Variants in SCRG1 observed in about 807,000 individuals in gnomAD.
SCRG1 encodes the protein scrapie-responsive protein 1.
SCRG1 carries 3 observed loss-of-function variants against 7.7 expected under a neutral mutation model. The observed-to-expected ratio is 0.39, with a 90% confidence interval of 0.18 to 1.01. The LOEUF (loss-of-function observed/expected upper bound fraction) is 1.01, where lower values mean the gene tolerates loss of function less well. Among genes scored for constraint, SCRG1 ranks in the 50% least tolerant of loss-of-function variants. The pLI, the probability that SCRG1 is intolerant of heterozygous loss-of-function variation, is 0.36. For synonymous variants in SCRG1, 46 were observed against 41.2 expected (o/e 1.12, Z -0.44); for missense variants, 110 against 117.2 (o/e 0.94, Z 0.28).
chr4:173,422,070 G>C, the SCRG1 span, among the ~76,000 whole-genome samples: 3 of 152,126 alleles, frequency 2.0e-5, no homozygotes, highest in African/African-American at 7.2e-5. Flanking sequence ...GGCTTTGGCT[G>C]AAACATATTT....
At chr4:173,415,283 A>T in the SCRG1 span, among the ~76,000 whole-genome samples, 1,051 of 152,326 alleles carry the variant, frequency 6.9e-3, 9 homozygotes, top group African/African-American at 0.023. Flanking sequence ...GCTGTGGCTA[A>T]TCTGTTGTGA....
At chr4:173,433,026 A>G in the SCRG1 span, among the ~76,000 whole-genome samples, 24 of 152,358 alleles carry the variant, frequency 1.6e-4, no homozygotes, top group African/African-American at 5.5e-4. Context: ...TGAAAAAAAT[A>G]GAATTGGATT....
Position 173,388,170 on chromosome 4 carries a change from A to G in SCRG1, c.*171T>C, listed in dbSNP as rs1440411053. ...ATGTCCACAGAGAAAAATTAGATTG[A>G]ATTAACTTTTATTACTACTTGTTTA... On this transcript the variant is annotated 3_prime_UTR_variant, in exon 3 of 3. Transcript: ENST00000296506. 1.3e-5 allele frequency: 6 copies of G among 479,238 alleles called. No individual in the cohort carries two copies. Among genetic ancestry groups the G allele is most frequent in the Non-Finnish European group, 2.2e-5 (6 of 274,854 alleles). 29.7% of individuals were successfully genotyped at this position (479,238 alleles called of 1,614,324 possible).
At chr4:173,443,316 A>G in the SCRG1 span, among the ~76,000 whole-genome samples, 8 of 152,338 alleles carry the variant, frequency 5.3e-5, no homozygotes, top group South Asian at 4.1e-4. Flanking sequence ...ATTTTTATCT[A>G]GAATGAGCCC....
the SCRG1 span, among the ~76,000 whole-genome samples, chr4:173,516,378 T>C: frequency 6.6e-6 from 1 of 152,238 alleles, no homozygotes; most frequent in Non-Finnish European, 1.5e-5. Flanking sequence ...AATATTTCAA[T>C]AGGCATCTGC....
the SCRG1 span, among the ~76,000 whole-genome samples, chr4:173,430,901 T>G: frequency 6.7e-6 from 1 of 150,362 alleles, no homozygotes; most frequent in Admixed American, 6.6e-5. Flanking sequence ...GCCACTATAA[T>G]TAGATCCTCA....
chr4:173,431,072 T>TGCAGTA, the SCRG1 span, among the ~76,000 whole-genome samples: 1 of 152,206 alleles, frequency 6.6e-6, no homozygotes, highest in Non-Finnish European at 1.5e-5. Context: ...CCCAGCATGA[T>TGCAGTA]GCAGTACCAC....
At chr4:173,485,068 ATT>A in the SCRG1 span, among the ~76,000 whole-genome samples, 23 of 9,892 alleles carry the variant, frequency 2.3e-3, 4 homozygotes, top group African/African-American at 4.3e-3. Context: ...TATATTATAT[ATT>A]ATATATTATA....
chr4:173,392,519 A>G (rs879090675), intron 1 of SCRG1, among the ~76,000 whole-genome samples: 1 of 152,210 alleles, frequency 6.6e-6, no homozygotes, highest in African/African-American at 2.4e-5. Context: ...CATACCAACA[A>G]TTCTAATTTC....
At chr4:173,458,500 C>A in the SCRG1 span, among the ~76,000 whole-genome samples, 2 of 152,148 alleles carry the variant, frequency 1.3e-5, no homozygotes, top group African/African-American at 2.4e-5. Context: ...ACTAGACTGG[C>A]CTTACAGGAA....
the SCRG1 span, among the ~76,000 whole-genome samples, chr4:173,441,604 A>C: frequency 6.6e-6 from 1 of 152,226 alleles, no homozygotes; most frequent in African/African-American, 2.4e-5. Flanking sequence ...TTATTCAGTC[A>C]AGTCATTCAT....
At chr4:173,488,138 A>AAT in the SCRG1 span, among the ~76,000 whole-genome samples, 12,888 of 131,682 alleles carry the variant, frequency 0.098, 618 homozygotes, top group Non-Finnish European at 0.11. Context: ...AATAAATTTA[A>AAT]AAAATGGTCT....
chr4:173,401,798 GTTTA>G (rs1456623228), upstream of SCRG1, among the ~76,000 whole-genome samples: 9 of 152,162 alleles, frequency 5.9e-5, no homozygotes, highest in Non-Finnish European at 1.2e-4. Flanking sequence ...TCAAACATGT[GTTTA>G]TTACTAGCTG....
At chr4:173,432,626 A>G in the SCRG1 span, among the ~76,000 whole-genome samples, 8 of 151,938 alleles carry the variant, frequency 5.3e-5, no homozygotes, top group Non-Finnish European at 1.0e-4. Context: ...CGTGTGCCAC[A>G]CTCTAGGTTT....
chr4:173,400,375 A>T (rs558779269), upstream of SCRG1, among the ~76,000 whole-genome samples: 4 of 152,348 alleles, frequency 2.6e-5, no homozygotes, highest in East Asian at 7.7e-4. Context: ...TAGGAAAAAG[A>T]ATACAAAAGT....
At chr4:173,508,599 A>C in the SCRG1 span, among the ~76,000 whole-genome samples, 32 of 152,228 alleles carry the variant, frequency 2.1e-4, no homozygotes, top group African/African-American at 7.2e-4. The surrounding 1 kb of genome is among the most constrained non-coding windows in gnomAD (Gnocchi z 4.4). Context: ...GTGGGTGCCC[A>C]AGAGACTTCT....
the SCRG1 span, among the ~76,000 whole-genome samples, chr4:173,460,250 C>G: frequency 6.6e-6 from 1 of 152,194 alleles, no homozygotes; most frequent in African/African-American, 2.4e-5. Context: ...TGCCCCACCC[C>G]AGGCAGCAGT....
the SCRG1 span, among the ~76,000 whole-genome samples, chr4:173,508,321 A>AGGAGGT: frequency 6.6e-6 from 1 of 152,228 alleles, no homozygotes; most frequent in Non-Finnish European, 1.5e-5. This position sits in a 1 kb window ranked among gnomAD's most constrained non-coding sequence, Gnocchi z 4.4. Context: ...GCGCTTCTGC[A>AGGAGGT]GGAGGTGGAG....
chr4:173,458,827 G>GA, the SCRG1 span, among the ~76,000 whole-genome samples: 470 of 150,386 alleles, frequency 3.1e-3, 2 homozygotes, highest in Non-Finnish European at 3.4e-3. Flanking sequence ...AGGATTAAGA[G>GA]AAAAAAAAAC....
Sources: gnomAD v4.1 joint callset for allele counts (sites outside exome capture counted in the v4.1 genomes callset) on GRCh38, gnomAD v4.1.1 for gene constraint, Gnocchi (gnomAD v3.1) non-coding constraint, MANE v1.5 for transcripts, NCBI Gene and HGNC (gene_info 2026-07-23, HGNC 2026-07-21) for gene names.